CALN1: variants seen among roughly 807,000 people sequenced by gnomAD.
CALN1 encodes calneuron 1, also known as calcium-binding protein 8.
CALN1 carries 17 observed loss-of-function variants against 30.6 expected under a neutral mutation model. That is an observed-to-expected ratio of 0.56 (90% CI 0.38 to 0.83). CALN1 has a LOEUF of 0.83. Among genes scored for constraint, CALN1 ranks in the 40% least tolerant of loss-of-function variants. The pLI, the probability that CALN1 is intolerant of heterozygous loss-of-function variation, is 0.00. For missense variants in CALN1, 291 were observed against 354.9 expected (o/e 0.82, Z 1.45); for synonymous variants, 156 against 131.4 (o/e 1.19, Z -1.28).
intron 4 of CALN1, among the ~76,000 whole-genome samples, chr7:72,085,804 G>T (rs568571543): frequency 2.3e-4 from 35 of 152,238 alleles, no homozygotes; most frequent in African/African-American, 8.4e-4. Flanking sequence ...AAATCAGGTG[G>T]TACAGGCTGA....
chr7:72,181,717 C>T (rs1227389214), intron 3 of CALN1, among the ~76,000 whole-genome samples: 1 of 152,090 alleles, frequency 6.6e-6, no homozygotes. Context: ...CCTCGTGATC[C>T]GTCCATCTTG....
At chr7:72,133,049 C>T (rs914427015) in intron 3 of CALN1, among the ~76,000 whole-genome samples, 4 of 152,130 alleles carry the variant, frequency 2.6e-5, no homozygotes, top group Non-Finnish European at 5.9e-5. Flanking sequence ...TGAGGTGGAA[C>T]AGTTTCATCC....
chr7:72,137,957 T>G (rs900860436), intron 3 of CALN1, among the ~76,000 whole-genome samples: 3 of 152,192 alleles, frequency 2.0e-5, no homozygotes, highest in Non-Finnish European at 4.4e-5. Context: ...GTGAAAGACA[T>G]ATAGGATTTC....
intron 5 of CALN1, among the ~76,000 whole-genome samples, chr7:71,891,187 T>C: frequency 6.6e-6 from 1 of 152,254 alleles, no homozygotes; most frequent in East Asian, 1.9e-4. Context: ...TCTTGTGTTC[T>C]TAGTTTGTTT....
chr7:72,428,714 G>T (rs1807875086), intron 1 of CALN1, among the ~76,000 whole-genome samples: 1 of 152,152 alleles, frequency 6.6e-6, no homozygotes, highest in Admixed American at 6.6e-5. Context: ...AAACTAGAAG[G>T]ATGGTCTGGC....
At chr7:72,015,358 A>T (rs1184195127) in intron 5 of CALN1, among the ~76,000 whole-genome samples, 1 of 152,026 alleles carries the variant, frequency 6.6e-6, no homozygotes, top group African/African-American at 2.4e-5. Context: ...ATAGGCCTGG[A>T]GTTTCTGATT....
chr7:72,493,294 C>G, the CALN1 span, among the ~76,000 whole-genome samples: 1 of 151,924 alleles, frequency 6.6e-6, no homozygotes, highest in Non-Finnish European at 1.5e-5. Flanking sequence ...TGGCCTCTTT[C>G]ATTTAGCATA....
intron 5 of CALN1, among the ~76,000 whole-genome samples, chr7:71,954,316 C>T (rs140388367): frequency 0.018 from 2,800 of 151,872 alleles, 78 homozygotes; most frequent in African/African-American, 0.063. Flanking sequence ...AAAAATTAGC[C>T]AGGCGTGGTG....
At chr7:72,108,154 C>G (rs1452063469) in intron 3 of CALN1, among the ~76,000 whole-genome samples, 1 of 152,176 alleles carries the variant, frequency 6.6e-6, no homozygotes. Context: ...CCAGAGGCTG[C>G]CAGCATTCCT....
At chr7:72,403,691 A>G (rs1238657134) in intron 1 of CALN1, among the ~76,000 whole-genome samples, 3 of 152,246 alleles carry the variant, frequency 2.0e-5, no homozygotes, top group Admixed American at 6.5e-5. Context: ...CTTAATATTT[A>G]CAGGTATTTT....
Position 72,140,567 on chromosome 7 carries a change from C to T in CALN1, c.245-34273G>A, listed in dbSNP as rs116204163. ...CAAAGGAAGACAAGGGCAGAAGCCC[C>T]CTCAGGGATTACACCCCAACCTTGG... is the stretch of plus-strand genomic sequence containing the variant. On this transcript the variant is annotated intron_variant, in intron 3 of 6. Transcript: ENST00000395275. Among the ~76,000 whole-genome samples the T allele has an allele frequency of 5.0e-3, 761 of 152,346 alleles. 7 individuals are homozygous for T. Among genetic ancestry groups the T allele is most frequent in the African/African-American group, 0.017 (705 of 41,578 alleles).
At chr7:71,874,553 C>G (rs1224757683) in intron 5 of CALN1, among the ~76,000 whole-genome samples, 1 of 152,174 alleles carries the variant, frequency 6.6e-6, no homozygotes, top group Non-Finnish European at 1.5e-5. Context: ...ACACTTGCAG[C>G]GTGGACTGGG....
rs148707912 is a variant in CALN1 at position 72,032,597 on chromosome 7, T to C, written c.389-8828A>G. On this transcript the variant is annotated intron_variant, in intron 4 of 6. Transcript: ENST00000395275. ...CAGGATCTCAAGCTCTTTTCAAAGT[T>C]TGAGAGTTATAGTATGTTTTCCTAT... Among the ~76,000 whole-genome samples, 14 of 152,274 alleles carry C rather than the reference T, an allele frequency of 9.2e-5. No individual in the cohort carries two copies. In the East Asian group the frequency reaches 2.5e-3, roughly 27 times the overall value.
chr7:71,992,694 T>C (rs572844951), intron 5 of CALN1, among the ~76,000 whole-genome samples: 15 of 152,194 alleles, frequency 9.9e-5, no homozygotes, highest in Non-Finnish European at 1.3e-4. Context: ...ACTGACCCCA[T>C]TTCTCTGGAG....
At chr7:72,429,579 C>T (rs1327424671) in intron 1 of CALN1, among the ~76,000 whole-genome samples, 1 of 151,682 alleles carries the variant, frequency 6.6e-6, no homozygotes, top group East Asian at 1.9e-4. Context: ...AGATTACTGC[C>T]AAAAAGAAAG....
chr7:72,270,589 T>C (rs569315462), intron 3 of CALN1, among the ~76,000 whole-genome samples: 21 of 151,822 alleles, frequency 1.4e-4, no homozygotes, highest in African/African-American at 3.1e-4. Context: ...CTGGGCAACA[T>C]AGTGACACCC....
At chr7:72,193,870 TAC>T (rs886406276) in intron 3 of CALN1, among the ~76,000 whole-genome samples, 5 of 152,144 alleles carry the variant, frequency 3.3e-5, no homozygotes, top group African/African-American at 1.2e-4. Context: ...TGGAAAATGA[TAC>T]ATTGTATCTT....
chr7:71,900,384 T>TC (rs113159672), intron 5 of CALN1, among the ~76,000 whole-genome samples: 163 of 152,340 alleles, frequency 1.1e-3, no homozygotes, highest in African/African-American at 3.8e-3. Context: ...TGTTTGCTGA[T>TC]GATATGATCT....
chr7:72,373,999 G>C (rs1316712083), intron 2 of CALN1, among the ~76,000 whole-genome samples: 5 of 152,108 alleles, frequency 3.3e-5, no homozygotes, highest in African/African-American at 2.4e-5. Flanking sequence ...ATTAAACCAA[G>C]AACTCTATAT....
Sources: allele counts gnomAD v4.1 joint callset (sites outside exome capture counted in the v4.1 genomes callset), GRCh38; gene constraint gnomAD v4.1.1; transcripts MANE v1.5; gene names NCBI Gene and HGNC (gene_info 2026-07-23, HGNC 2026-07-21).